Variants in MAGI2 observed in about 807,000 individuals in gnomAD.
MAGI2 encodes membrane-associated guanylate kinase, WW and PDZ domain-containing protein 2.
Under a neutral mutation model 133.3 loss-of-function variants are expected in MAGI2, and 35 were observed. The observed-to-expected ratio is 0.26, with a 90% CI of 0.20 to 0.35. The LOEUF (loss-of-function observed/expected upper bound fraction) is 0.35. Among genes scored for constraint, MAGI2 ranks in the 10% least tolerant of loss-of-function variants. The pLI is 1.00. For synonymous variants in MAGI2, 729 were observed against 710.6 expected (o/e 1.03, Z -0.41); for missense variants, 1,636 against 1,863.4 (o/e 0.88, Z 2.25).
chr7:78,830,937 A>G (rs1267499260), intron 2 of MAGI2, among the ~76,000 whole-genome samples: 1 of 152,214 alleles, frequency 6.6e-6, no homozygotes, highest in Non-Finnish European at 1.5e-5. Context: ...CCCACATTTC[A>G]TTGATTTTGG....
chr7:78,100,645 C>T (rs1440309270), intron 20 of MAGI2, among the ~76,000 whole-genome samples: 2 of 152,220 alleles, frequency 1.3e-5, no homozygotes, highest in Non-Finnish European at 2.9e-5. Context: ...AGCTACTGCA[C>T]CCAGCCAAGG....
intron 1 of MAGI2, among the ~76,000 whole-genome samples, chr7:79,070,272 A>G (rs1814829219): frequency 6.6e-6 from 1 of 151,850 alleles, no homozygotes; most frequent in Non-Finnish European, 1.5e-5. Flanking sequence ...CTTTTCACAT[A>G]GTCCCATGTT....
chr7:79,264,296 C>CTATT (rs1834289593), intron 1 of MAGI2, among the ~76,000 whole-genome samples: 1 of 152,070 alleles, frequency 6.6e-6, no homozygotes, highest in Non-Finnish European at 1.5e-5. Flanking sequence ...TATAGACGAA[C>CTATT]TATTATATGC....
chr7:78,468,659 C>T (rs977191633), intron 6 of MAGI2, among the ~76,000 whole-genome samples: 13 of 152,038 alleles, frequency 8.6e-5, no homozygotes, highest in Admixed American at 5.2e-4. Context: ...ATTGGCTTTG[C>T]TTTTTCATAG....
intron 12 of MAGI2, among the ~76,000 whole-genome samples, chr7:78,190,145 G>C (rs150800598): frequency 4.1e-4 from 62 of 152,262 alleles, no homozygotes; most frequent in African/African-American, 1.4e-3. Flanking sequence ...GTACTTAAAT[G>C]TGGGAAACCT....
intron 9 of MAGI2, among the ~76,000 whole-genome samples, chr7:78,290,360 A>G (rs577665137): frequency 1.3e-5 from 2 of 152,344 alleles, no homozygotes; most frequent in South Asian, 4.1e-4. Context: ...AGGGCATTAC[A>G]TAATAGTAAA....
At chr7:78,394,457 C>T (rs1193704987) in intron 6 of MAGI2, among the ~76,000 whole-genome samples, 3 of 152,154 alleles carry the variant, frequency 2.0e-5, no homozygotes, top group South Asian at 2.1e-4. Context: ...AGAAACCTTT[C>T]GTGCTTAGGC....
At position 78,382,626 on chromosome 7, in the gene MAGI2, G is replaced by A. The variant is rs990368568; in HGVS notation, c.1046-13413C>T. ...TATAATGCATAGTGATCAAGTCAGG[G>A]TATTAGGGTGTCTACCACCCTAGTA... is the stretch of plus-strand genomic sequence containing the variant. On this transcript the variant is annotated intron_variant, in intron 6 of 21. Transcript: ENST00000354212. Among the ~76,000 whole-genome samples, 4 of 152,016 alleles carry A rather than the reference G, an allele frequency of 2.6e-5. No homozygotes were observed. The South Asian group carries it at 8.3e-4, about 32-fold the overall frequency.
rs201858174 is a variant in MAGI2, at chr7:78,948,394, A to AGCTTTTCAGATT, written c.418+58684_418+58695dup. Among the ~76,000 whole-genome samples the AGCTTTTCAGATT allele has an allele frequency of 7.9e-3, 1,202 of 152,104 alleles. 13 individuals are homozygous for AGCTTTTCAGATT. Among genetic ancestry groups the AGCTTTTCAGATT allele is most frequent in the African/African-American group, 0.028 (1,151 of 41,544 alleles). On this transcript the variant is annotated intron_variant, in intron 2 of 21. Transcript: ENST00000354212. The stretch of plus-strand genomic sequence containing the variant: ...TGACTTGAGTCCCAGCTTTTCAGAT[A>AGCTTTTCAGATT]GCTTTTCAGATTATTCATTTTCATG...
chr7:79,064,652 A>G (rs1319073200), intron 1 of MAGI2, among the ~76,000 whole-genome samples: 1 of 152,054 alleles, frequency 6.6e-6, no homozygotes, highest in African/African-American at 2.4e-5. Flanking sequence ...CATTCTTCCA[A>G]GTTGTGTCAG....
intron 1 of MAGI2, among the ~76,000 whole-genome samples, chr7:79,117,094 G>T (rs1410028602): frequency 6.6e-6 from 1 of 152,110 alleles, no homozygotes; most frequent in Non-Finnish European, 1.5e-5. Context: ...CATATGACTT[G>T]AAGAATAACA....
At chr7:78,583,264 C>T (rs904461603) in intron 3 of MAGI2, among the ~76,000 whole-genome samples, 4 of 151,944 alleles carry the variant, frequency 2.6e-5, no homozygotes, top group Admixed American at 6.6e-5. Flanking sequence ...TTTGGGAGGC[C>T]GAGGCGGGCG....
chr7:78,364,245 T>C (rs1793145950), intron 7 of MAGI2, among the ~76,000 whole-genome samples: 1 of 152,240 alleles, frequency 6.6e-6, no homozygotes. Flanking sequence ...TGGAAATGTT[T>C]CATATGTTTA....
At chr7:79,206,675 C>A (rs1829087060) in intron 1 of MAGI2, among the ~76,000 whole-genome samples, 1 of 151,780 alleles carries the variant, frequency 6.6e-6, no homozygotes, top group African/African-American at 2.4e-5. Flanking sequence ...CAAACTCTTC[C>A]AAAAAATTGA....
At chr7:78,106,514 C>T (rs1483461423) in intron 20 of MAGI2, among the ~76,000 whole-genome samples, 1 of 152,102 alleles carries the variant, frequency 6.6e-6, no homozygotes, top group Non-Finnish European at 1.5e-5. Context: ...TCCTTACCAG[C>T]ATTTGTTACT....
chr7:78,147,845 AC>A lies in MAGI2; in HGVS notation c.2845+12179del, dbSNP rs539198201. 3.2e-4 allele frequency among the ~76,000 whole-genome samples: 49 copies of A among 151,810 alleles called. 1 individual carries two copies. In the East Asian group the frequency reaches 7.9e-3, roughly 25 times the overall value. On this transcript the variant is annotated intron_variant, in intron 16 of 21. Transcript: ENST00000354212. ...ACCCCCATCTCTACCAAAAAAAACC[AC>A]CCCCAAACCCCAAAATGACATACTA...
chr7:78,191,786 C>T (rs1444240631), intron 12 of MAGI2, among the ~76,000 whole-genome samples: 2 of 152,144 alleles, frequency 1.3e-5, no homozygotes, highest in African/African-American at 4.8e-5. Context: ...CCGTAGTATC[C>T]TATGATCATC....
intron 3 of MAGI2, among the ~76,000 whole-genome samples, chr7:78,587,929 A>G (rs1486048982): frequency 6.6e-6 from 1 of 152,250 alleles, no homozygotes; most frequent in African/African-American, 2.4e-5. Context: ...AAAGAATTAC[A>G]AGATGGATGT....
intron 1 of MAGI2, among the ~76,000 whole-genome samples, chr7:79,137,228 CT>C (rs1025134095): frequency 6.6e-6 from 1 of 152,038 alleles, no homozygotes; most frequent in African/African-American, 2.4e-5. Flanking sequence ...CTCAGTTTAC[CT>C]AAAGTTAATC....
Sources: allele counts gnomAD v4.1 joint callset (sites outside exome capture counted in the v4.1 genomes callset), GRCh38; gene constraint gnomAD v4.1.1; transcripts MANE v1.5; gene names NCBI Gene and HGNC (gene_info 2026-07-23, HGNC 2026-07-21).